Variants in CCDC116 observed in about 807,000 individuals in gnomAD.
CCDC116 encodes the protein coiled-coil domain-containing protein 116.
A neutral mutation model predicts 29.4 loss-of-function variants in CCDC116; 24 were observed. The observed-to-expected ratio is 0.82, with a 90% CI of 0.59 to 1.15. CCDC116 has a LOEUF of 1.15. CCDC116 is among the 50% of genes most tolerant of loss of function. CCDC116 has a pLI of 0.00. For missense variants in CCDC116, 791 were observed against 804.0 expected (o/e 0.98, Z 0.20); for synonymous variants, 298 against 331.4 (o/e 0.90, Z 1.10).
In CCDC116 at chr22:21,636,982, G is replaced by T. The variant is rs1204977045; in HGVS notation, c.1754G>T (p.Gly585Val). The T allele has an allele frequency of 6.2e-7, 1 of 1,613,724 alleles. No homozygotes were observed. Among genetic ancestry groups the T allele is most frequent in the Non-Finnish European group, 8.5e-7 (1 of 1,180,042 alleles). ...AAGTCCAAGGACATGGACAATGAGG[G>T]CCGTGATAAAGCCGAGATTGAAGAT... Reference protein sequence around the residue: ...PPKSKDMDNEGRDKAEIEDED... With the variant: ...PPKSKDMDNEVRDKAEIEDED... Residue 585 changes from glycine to valine, a missense_variant, in exon 5 of 5, where the codon GGC becomes GTC. Transcript: ENST00000292779.
Position 21,634,840 on chromosome 22 carries a change from G to A in CCDC116, c.777G>A (p.Arg259=). ...SSGVPEASEP[R]PGEQEPIFRK... ...GCGTGCCTGAAGCATCAGAGCCGAG[G>A]CCTGGAGAACAGGAGCCAATCTTCC... is the stretch of plus-strand genomic sequence containing the variant. The change falls in exon 4 of 5, where the codon AGG becomes AGA. Residue 259 remains arginine, a synonymous_variant. Transcript: ENST00000292779. 6.2e-7 allele frequency: 1 copy of A among 1,613,998 alleles called. No homozygotes were observed. Among genetic ancestry groups the A allele is most frequent in the Non-Finnish European group, 8.5e-7 (1 of 1,180,032 alleles).
chr22:21,635,228 A>C lies in CCDC116; in HGVS notation c.1165A>C (p.Met389Leu). 6.3e-7 allele frequency: 1 copy of C among 1,599,638 alleles called. No individual in the cohort carries two copies. The highest frequency in any genetic ancestry group is 8.5e-7 in the Non-Finnish European group (1 of 1,179,920). The stretch of plus-strand genomic sequence containing the variant: ...CAAGGACAGAGGAGGCTCCCCCTCC[A>C]TGTCTAGTGCCCAGGTGGCCACCAG... ...KRKDRGGSPS[M>L]SSAQVATRFK... The change falls in exon 4 of 5, where the codon ATG becomes CTG. Residue 389 changes from methionine to leucine, a missense_variant. Physicochemically the swap from Met to Leu is conservative, Grantham distance 15 (BLOSUM62 2). Transcript: ENST00000292779.
In CCDC116 at chr22:21,634,147, C is replaced by A. The variant is rs1257855305; in HGVS notation, c.198C>A (p.His66Gln). The A allele has an allele frequency of 6.2e-7, 1 of 1,614,146 alleles. No individual in the cohort carries two copies. The highest frequency in any genetic ancestry group is 8.5e-7 in the Non-Finnish European group (1 of 1,180,046). The change falls in exon 3 of 5, where the codon CAC becomes CAA. Residue 66 changes from histidine to glutamine, a missense_variant. Coordinates refer to ENST00000292779, the MANE Select transcript of CCDC116 (RefSeq NM_152612.3). ...AGGGCCAACGCCGAAACAAGAGGCA[C>A]CCTCAGCCCTTTGGCCACTTTCTGG... ...ALQGQRRNKR[H>Q]PQPFGHFLDF...
chr22:21,633,295 A>G, intron 2 of CCDC116, 42 bp downstream of exon 2: 1 of 1,473,530 alleles, frequency 6.8e-7, no homozygotes, highest in Non-Finnish European at 9.2e-7. Flanking sequence ...AGGCCACAAC[A>G]TGTTCCCCAC....
At chr22:21,633,942 C>T (rs1930652146) in intron 2 of CCDC116, 80 bp from the exon 3 acceptor site, 1 of 1,391,814 alleles carries the variant, frequency 7.2e-7, no homozygotes, top group Non-Finnish European at 9.8e-7. Flanking sequence ...TACTCACTCC[C>T]ACCCAGGTCC....
chr22:21,635,162 C>G lies in CCDC116; in HGVS notation c.1099C>G (p.Arg367Gly), dbSNP rs200945059. ...TNGGQPYASPRPTVSSPKMLQ... is the reference protein window; with the variant it reads ...TNGGQPYASPGPTVSSPKMLQ... ...TGGCGGGCAGCCCTATGCTTCCCCC[C>G]GCCCCACAGTCTCCAGCCCCAAGAT... Residue 367 changes from arginine to glycine, a missense_variant, in exon 4 of 5, where the codon CGC becomes GGC. Coordinates refer to ENST00000292779, the MANE Select transcript of CCDC116 (RefSeq NM_152612.3). 1.1e-5 allele frequency: 17 copies of G among 1,601,612 alleles called. No individual in the cohort carries two copies. The Admixed American group carries it at 1.3e-4, about 13-fold the overall frequency.
In CCDC116 at chr22:21,632,830, G is replaced by C. The variant is rs1025276961; in HGVS notation, c.-63+3G>C. 1 of 445,514 alleles carries C rather than the reference G, an allele frequency of 2.2e-6. No homozygotes were observed. The highest frequency in any genetic ancestry group is 2.0e-5 in the African/African-American group (1 of 50,158). The allele number at this position is 445,514 out of a possible 1,614,324, so 27.6% of individuals were successfully genotyped here. On this transcript the variant is annotated splice_donor_region_variant and intron_variant, in intron 1 of 4. Transcript: ENST00000292779. Reference sequence around the variant, plus strand: ...TGCGGAGCAAGGCGGTGTTTCTGGTGAGTCTGTTGATTCTGGGCTGGGGTG... The same window carrying C: ...TGCGGAGCAAGGCGGTGTTTCTGGTCAGTCTGTTGATTCTGGGCTGGGGTG...
intron 3 of CCDC116, 45 bp from the exon 4 acceptor site, chr22:21,634,640 C>T (rs1413302562): frequency 6.4e-7 from 1 of 1,567,874 alleles, no homozygotes; most frequent in Non-Finnish European, 8.7e-7. Context: ...TCAGCCCTGG[C>T]TTGGCTGCTC....
intron 4 of CCDC116, 70 bp from the exon 5 acceptor site, chr22:21,636,362 A>AG: frequency 7.0e-7 from 1 of 1,433,460 alleles, no homozygotes; most frequent in African/African-American, 1.4e-5. Flanking sequence ...AGTGGCTGGA[A>AG]GGGGTGTCAC....
chr22:21,636,796 C>T lies in CCDC116; in HGVS notation c.1568C>T (p.Thr523Ile), dbSNP rs1437696269. The change falls in exon 5 of 5, where the codon ACA (threonine) becomes ATA (isoleucine). Residue 523 changes from threonine to isoleucine, a missense_variant. Thr to Ile is a moderately conservative substitution (Grantham distance 89). Coordinates refer to ENST00000292779, the MANE Select transcript of CCDC116 (RefSeq NM_152612.3). ...RLSTSHCSTE[T>I]PSVQQEPATH... Reference sequence around the variant, plus strand: ...AGCACCTCCCACTGCAGCACAGAGACACCCTCTGTGCAGCAGGAACCAGCC... The same window carrying T: ...AGCACCTCCCACTGCAGCACAGAGATACCCTCTGTGCAGCAGGAACCAGCC... The T allele has an allele frequency of 6.2e-7, 1 of 1,612,934 alleles. No individual in the cohort carries two copies. The highest frequency in any genetic ancestry group is 1.1e-5 in the South Asian group (1 of 91,072).
At position 21,637,145 on chromosome 22, in the gene CCDC116, T is replaced by C. The variant is rs199576042; in HGVS notation, c.*75T>C. On this transcript the variant is annotated 3_prime_UTR_variant, in exon 5 of 5. Coordinates refer to ENST00000292779, the MANE Select transcript of CCDC116 (RefSeq NM_152612.3). ...TGGGCCACGGTGACCCACCATGAAG[T>C]CCCCACTAGCCACTCGATTCCCTGC... 1 of 1,477,736 alleles carries C rather than the reference T, an allele frequency of 6.8e-7. No individual in the cohort carries two copies. Among genetic ancestry groups the C allele is most frequent in the Non-Finnish European group, 9.0e-7 (1 of 1,113,810 alleles). 91.5% of individuals were successfully genotyped at this position (1,477,736 alleles called of 1,614,324 possible).
intron 2 of CCDC116, among the ~76,000 whole-genome samples, 164 bp downstream of exon 2, chr22:21,633,417 C>A (rs530288735): frequency 2.1e-4 from 32 of 152,340 alleles, no homozygotes; most frequent in Non-Finnish European, 4.0e-4. Context: ...CCACTGCTTG[C>A]CCCTGTCACA....
Position 21,634,670 on chromosome 22 carries a change from A to C in CCDC116, c.622-15A>C. On this transcript the variant is annotated splice_polypyrimidine_tract_variant and intron_variant, in intron 3 of 4. Coordinates refer to ENST00000292779, the MANE Select transcript of CCDC116 (RefSeq NM_152612.3). ...CTGCTCCTGAACACTTCACAGAGTC[A>C]CCCTCTTTCTGCAGAAAGGCCTCAG... The C allele has an allele frequency of 5.7e-6, 9 of 1,585,520 alleles. No homozygotes were observed. The highest frequency in any genetic ancestry group is 7.7e-6 in the Non-Finnish European group (9 of 1,163,406).
At chr22:21,633,690 T>A (rs964140417) in intron 2 of CCDC116, among the ~76,000 whole-genome samples, 1 of 152,234 alleles carries the variant, frequency 6.6e-6, no homozygotes, top group African/African-American at 2.4e-5. Flanking sequence ...GAGAGATTCA[T>A]GATTGCTCAT....
chr22:21,636,325 G>A (rs1250367329), intron 4 of CCDC116, 107 bp from the exon 5 acceptor site: 4 of 997,142 alleles, frequency 4.0e-6, no homozygotes, highest in Non-Finnish European at 5.9e-6. Flanking sequence ...GTGATGGGCA[G>A]GGCTGGCAGG....
chr22:21,633,268 C>A lies in CCDC116; in HGVS notation c.72+15C>A. ...GCAGTGCACGGGTAAGTGTGCCCAG[C>A]AGGGCGCCGACCCTTGAGGCCACAA... is the stretch of plus-strand genomic sequence containing the variant. On this transcript the variant is annotated intron_variant, in intron 2 of 4. Transcript: ENST00000292779. 1 of 1,537,968 alleles carries A rather than the reference C, an allele frequency of 6.5e-7. No individual in the cohort carries two copies. Among genetic ancestry groups the A allele is most frequent in the South Asian group, 1.2e-5 (1 of 83,674 alleles).
At chr22:21,635,744 T>G in intron 4 of CCDC116, 1 of 603,252 alleles carries the variant, frequency 1.7e-6, no homozygotes, top group South Asian at 2.0e-5. Context: ...CCATGAATCC[T>G]GGCCTAGCTA....
chr22:21,633,272 G>T lies in CCDC116; in HGVS notation c.72+19G>T. The T allele has an allele frequency of 6.5e-7, 1 of 1,533,952 alleles. No individual in the cohort carries two copies. Among genetic ancestry groups the T allele is most frequent in the Non-Finnish European group, 8.8e-7 (1 of 1,134,322 alleles). On this transcript the variant is annotated intron_variant, in intron 2 of 4. Transcript: ENST00000292779. Reference sequence around the variant, plus strand: ...TGCACGGGTAAGTGTGCCCAGCAGGGCGCCGACCCTTGAGGCCACAACATG... The same window carrying T: ...TGCACGGGTAAGTGTGCCCAGCAGGTCGCCGACCCTTGAGGCCACAACATG...
In CCDC116 at chr22:21,633,844, C is replaced by T. The variant is rs146603259; in HGVS notation, c.73-178C>T. ...TGAGGACATTGGACCTCAAGAGGGGCCATCTTGCACACTGGCATCAGGCTG... is the reference window on the plus strand; with the variant it reads ...TGAGGACATTGGACCTCAAGAGGGGTCATCTTGCACACTGGCATCAGGCTG... On this transcript the variant is annotated intron_variant, in intron 2 of 4. Transcript: ENST00000292779. Among the ~76,000 whole-genome samples, 526 of 152,322 alleles carry T rather than the reference C, an allele frequency of 3.5e-3. 4 individuals carry two copies. Among genetic ancestry groups the T allele is most frequent in the African/African-American group, 0.011 (475 of 41,550 alleles).
Sources: gnomAD v4.1 joint callset for allele counts (sites outside exome capture counted in the v4.1 genomes callset) on GRCh38, gnomAD v4.1.1 for gene constraint, MANE v1.5 for transcripts, NCBI Gene and HGNC (gene_info 2026-07-23, HGNC 2026-07-21) for gene names.